Variants in QSER1 observed in about 807,000 individuals in gnomAD.
QSER1 encodes glutamine and serine-rich protein 1.
A neutral mutation model predicts 158.5 loss-of-function variants in QSER1; 49 were observed. The observed-to-expected ratio is 0.31, with a 90% CI of 0.25 to 0.39. QSER1 has a LOEUF of 0.39. Among genes scored for constraint, QSER1 ranks in the 10% least tolerant of loss-of-function variants. The pLI is 1.00. For missense variants in QSER1, 1,754 were observed against 2,010.3 expected (o/e 0.87, Z 2.44); for synonymous variants, 650 against 715.5 (o/e 0.91, Z 1.46).
chr11:32,905,570 C>A (rs1765344646), intron 1 of QSER1, among the ~76,000 whole-genome samples: 1 of 152,186 alleles, frequency 6.6e-6, no homozygotes, highest in South Asian at 2.1e-4. Context: ...CCTCAAGAAA[C>A]CCAAAACTTA....
chr11:32,899,073 C>A lies in QSER1; in HGVS notation c.209+5739C>A, dbSNP rs552214654. Among the ~76,000 whole-genome samples the A allele has an allele frequency of 1.7e-3, 260 of 152,290 alleles. 1 individual carries two copies. The highest frequency in any genetic ancestry group is 6.0e-3 in the African/African-American group (251 of 41,566). On this transcript the variant is annotated intron_variant, in intron 1 of 12. Coordinates refer to ENST00000650167, the MANE Select transcript of QSER1 (RefSeq NM_001076786.3). ...TGTTTTCACAGAATATTTTATTTTA[C>A]TTTCATATTCTTAGAAATATATACC...
rs867957200 is a variant in QSER1 at position 32,892,984 on chromosome 11, C to T, written c.-142C>T. On this transcript the variant is annotated 5_prime_UTR_variant, in exon 1 of 13. Transcript: ENST00000650167. ...CCAGCGCGCCCTTCTCCCGCCTGCT[C>T]GCCGGGGCCATGTGAGGGGGCAGCT... Among the ~76,000 whole-genome samples, 70 of 147,884 alleles carry T rather than the reference C, an allele frequency of 4.7e-4. No homozygotes were observed. The highest frequency in any genetic ancestry group is 3.5e-3 in the Middle Eastern group (1 of 288).
At chr11:32,901,305 C>A (rs1051209154) in intron 1 of QSER1, among the ~76,000 whole-genome samples, 6 of 152,182 alleles carry the variant, frequency 3.9e-5, no homozygotes, top group African/African-American at 1.4e-4. Flanking sequence ...ATGTCTGATG[C>A]ATTGTGCCAT....
chr11:32,927,702 C>A (rs1218922289), intron 2 of QSER1, among the ~76,000 whole-genome samples: 1 of 152,100 alleles, frequency 6.6e-6, no homozygotes, highest in African/African-American at 2.4e-5. Context: ...CCGCCACGCC[C>A]GACCAAAGCT....
chr11:32,970,946 CTTT>C (rs776051259), intron 10 of QSER1, among the ~76,000 whole-genome samples: 4 of 76,894 alleles, frequency 5.2e-5, no homozygotes, highest in Admixed American at 4.2e-4. Flanking sequence ...AAGCAATTTG[CTTT>C]TTTTTTTTTT....
At chr11:32,908,303 A>C (rs542386165) in intron 1 of QSER1, among the ~76,000 whole-genome samples, 1 of 152,240 alleles carries the variant, frequency 6.6e-6, no homozygotes, top group Non-Finnish European at 1.5e-5. Flanking sequence ...AGCCAAGCAT[A>C]TGCCATATCA....
Position 32,941,815 on chromosome 11 carries a change from C to G in QSER1, c.4177+6380C>G, listed in dbSNP as rs1852242574. Among the ~76,000 whole-genome samples, 5 of 151,992 alleles carry G rather than the reference C, an allele frequency of 3.3e-5. No individual in the cohort carries two copies. The South Asian group carries it at 1.0e-3, about 32-fold the overall frequency. ...CCCTGAGCAATCGCCACACTGACTT[C>G]CACAATGGTTGAACTAGTTTACAGT... On this transcript the variant is annotated intron_variant, in intron 4 of 12. Transcript: ENST00000650167.
At position 32,958,042 on chromosome 11, in the gene QSER1, C is replaced by A; in HGVS notation, c.4925C>A (p.Ser1642Tyr). ...KWKEEFSSSQ[S>Y]DSSPEIHTSS... ...AAAGAAGAATTTTCATCATCCCAAT[C>A]TGACTCATCTCCTGAGATCCATACT... Residue 1642 changes from serine (S) to tyrosine (Y), a missense_variant, in exon 8 of 13, where the codon TCT (serine) becomes TAT (tyrosine). Physicochemically the swap from Ser to Tyr is moderately radical, Grantham distance 144. Around this residue, in one of 2 missense-constraint regions of QSER1, gnomAD observed 1,707 missense variants for 1,919.6 expected, o/e 0.89. Coordinates refer to ENST00000650167, the MANE Select transcript of QSER1 (RefSeq NM_001076786.3). 1 of 1,614,166 alleles carries A rather than the reference C, an allele frequency of 6.2e-7. No individual in the cohort carries two copies. The highest frequency in any genetic ancestry group is 1.1e-5 in the South Asian group (1 of 91,084).
intron 7 of QSER1, among the ~76,000 whole-genome samples, chr11:32,956,516 CTA>C (rs1314692815): frequency 1.3e-5 from 2 of 151,642 alleles, no homozygotes; most frequent in African/African-American, 2.4e-5. Context: ...GATAAAAAAA[CTA>C]TAAGAACTAC....
At chr11:32,948,526 G>T (rs1369255451) in intron 4 of QSER1, among the ~76,000 whole-genome samples, 1 of 152,190 alleles carries the variant, frequency 6.6e-6, no homozygotes, top group African/African-American at 2.4e-5. Flanking sequence ...CTAATGTGGA[G>T]CCTGAGGCAG....
At chr11:32,896,162 A>G (rs924157925) in intron 1 of QSER1, among the ~76,000 whole-genome samples, 2 of 152,168 alleles carry the variant, frequency 1.3e-5, no homozygotes, top group Admixed American at 6.5e-5. Context: ...ATACCTTTGC[A>G]TAGCTTGGGA....
chr11:32,941,065 A>T (rs1852222955), intron 4 of QSER1, among the ~76,000 whole-genome samples: 1 of 151,578 alleles, frequency 6.6e-6, no homozygotes, highest in Non-Finnish European at 1.5e-5. Flanking sequence ...TTTGCACCAC[A>T]CTTTGACCAT....
rs530146463 is a variant in QSER1, at chr11:32,898,989, A to G, written c.209+5655A>G. Reference sequence around the variant, plus strand: ...CCAGACTGACTTGTTAAGGTATCTCATGTGAGAAACCTGCAGTATTTTCAA... The same window carrying G: ...CCAGACTGACTTGTTAAGGTATCTCGTGTGAGAAACCTGCAGTATTTTCAA... On this transcript the variant is annotated intron_variant, in intron 1 of 12. Coordinates refer to ENST00000650167, the MANE Select transcript of QSER1 (RefSeq NM_001076786.3). Among the ~76,000 whole-genome samples the G allele has an allele frequency of 1.1e-4, 16 of 152,336 alleles. No homozygotes were observed. In the South Asian group the frequency reaches 3.1e-3, roughly 30 times the overall value.
chr11:32,934,986 C>T lies in QSER1; in HGVS notation c.3728C>T (p.Thr1243Ile), dbSNP rs764401819. 2.5e-6 allele frequency: 4 copies of T among 1,614,026 alleles called. No homozygotes were observed. Among genetic ancestry groups the T allele is most frequent in the Non-Finnish European group, 3.4e-6 (4 of 1,180,010 alleles). The change falls in exon 4 of 13, where the codon ACT becomes ATT. Residue 1243 changes from threonine (T) to isoleucine (I), a missense_variant. Around this residue, in one of 2 missense-constraint regions of QSER1, gnomAD observed 1,707 missense variants for 1,919.6 expected, o/e 0.89. Transcript: ENST00000650167. The part of the protein sequence containing the change: ...PRGTDIYLPY[T>I]PPSSESCHDG... ...GGAACAGATATTTACTTACCGTATA[C>T]TCCTCCTTCCTCAGAAAGCTGCCAT...
At chr11:32,955,928 C>T (rs964866228) in intron 6 of QSER1, 60 bp from the exon 7 acceptor site, 1 of 1,485,144 alleles carries the variant, frequency 6.7e-7, no homozygotes, top group East Asian at 2.3e-5. Flanking sequence ...ATTGAACAAA[C>T]AAAGTAGCAT....
At chr11:32,903,970 T>A (rs543738929) in intron 1 of QSER1, among the ~76,000 whole-genome samples, 1 of 152,132 alleles carries the variant, frequency 6.6e-6, no homozygotes, top group African/African-American at 2.4e-5. Context: ...AAAAAACTTA[T>A]CTGTTCCTTG....
chr11:32,904,572 G>C (rs1851667271), intron 1 of QSER1, among the ~76,000 whole-genome samples: 1 of 150,124 alleles, frequency 6.7e-6, no homozygotes, highest in Non-Finnish European at 1.5e-5. Flanking sequence ...TAAATGAGAG[G>C]ATGTGGGCCT....
In QSER1 at chr11:32,954,172, C is replaced by A. The variant is rs191169639; in HGVS notation, c.4493C>A (p.Thr1498Asn). Residue 1498 changes from threonine to asparagine, a missense_variant, in exon 5 of 13, where the codon ACT becomes AAT. Around this residue, in one of 2 missense-constraint regions of QSER1, gnomAD observed 1,707 missense variants for 1,919.6 expected, o/e 0.89. Coordinates refer to ENST00000650167, the MANE Select transcript of QSER1 (RefSeq NM_001076786.3). ...GTGGTAAAGATAGAAGACATAGAGA[C>A]TTTTAAGGTGATGTCAGTGTTCACC... ...EFVVKIEDIE[T>N]FKEALKTGKE... 5.3e-4 allele frequency: 862 copies of A among 1,611,558 alleles called. 5 individuals are homozygous for A. The highest frequency in any genetic ancestry group is 7.7e-5 in the South Asian group (7 of 90,922).
At chr11:32,912,666 T>G (rs75048281) in intron 1 of QSER1, among the ~76,000 whole-genome samples, 2,956 of 151,964 alleles carry the variant, frequency 0.019, 44 homozygotes, top group South Asian at 0.038. Context: ...CCCAGCACAT[T>G]AGGAGGTGGA....
Sources: gnomAD v4.1 joint callset for allele counts (sites outside exome capture counted in the v4.1 genomes callset) on GRCh38, gnomAD v4.1.1 for gene constraint, gnomAD v4.1.1 regional missense constraint, MANE v1.5 for transcripts, NCBI Gene and HGNC (gene_info 2026-07-23, HGNC 2026-07-21) for gene names.